The following COL17A1 variants were observed in gnomAD, a reference collection of about 807,000 sequenced individuals.
COL17A1 encodes the protein collagen type XVII alpha 1 chain.
Under a neutral mutation model 218.4 loss-of-function variants are expected in COL17A1, and 181 were observed. That is an observed-to-expected ratio of 0.83 (90% CI 0.73 to 0.94). The LOEUF (loss-of-function observed/expected upper bound fraction) is 0.94. Ranked by LOEUF, COL17A1 falls within the 40% of genes least tolerant of loss-of-function variation. The probability of loss-of-function intolerance (pLI) is 0.00; values close to 1 mark genes in which losing one functional copy is unlikely to be tolerated. For synonymous variants in COL17A1, 721 were observed against 731.0 expected, an observed-to-expected ratio of 0.99 and a Z score of 0.22; for missense variants, 1,924 against 1,945.9, an observed-to-expected ratio of 0.99 and a Z score of 0.21.
At chr10:104,065,206 G>T (rs1391952864) in intron 9 of COL17A1, among the ~76,000 whole-genome samples, 1 of 152,172 alleles carries the variant, frequency 6.6e-6, no homozygotes, top group Admixed American at 6.5e-5. Context: ...CTGCATATTT[G>T]TCTGTGAGAG....
intron 1 of COL17A1, among the ~76,000 whole-genome samples, chr10:104,083,058 A>T (rs1448560274): frequency 6.6e-6 from 1 of 152,198 alleles, no homozygotes; most frequent in Non-Finnish European, 1.5e-5. Context: ...GGTGCCAGGT[A>T]CGTGTTGGGA....
In COL17A1 at chr10:104,037,287, A is replaced by ATT. The variant is rs34553613; in HGVS notation, c.3209-176_3209-175dup. On this transcript the variant is annotated intron_variant, in intron 46 of 55. Transcript: ENST00000648076. Reference sequence around the variant, plus strand: ...AACAAAGTCAAATACTGTTGTTGGGATTTTTTTTTTTTTTGTAAGAAAGGA... The same window carrying ATT: ...AACAAAGTCAAATACTGTTGTTGGGATTTTTTTTTTTTTTTTGTAAGAAAGGA... Among the ~76,000 whole-genome samples the ATT allele has an allele frequency of 0.7, 102,882 of 147,848 alleles. 37,129 individuals carry two copies. The highest frequency in any genetic ancestry group is 0.82 in the East Asian group (4,124 of 5,058).
chr10:104,045,805 A>T lies in COL17A1; in HGVS notation c.2363-12T>A, dbSNP rs771531728. The T allele has an allele frequency of 5.0e-6, 8 of 1,610,278 alleles. No homozygotes were observed. The highest frequency in any genetic ancestry group is 1.7e-4 in the Middle Eastern group (1 of 6,040). On this transcript the variant is annotated splice_polypyrimidine_tract_variant and intron_variant, in intron 32 of 55. Transcript: ENST00000648076. Reference sequence around the variant, plus strand: ...GGTACCGGGAAGTCCTGATGTGATTAGAACAAGTAGTCAGGACGATGAAGG... The same window carrying T: ...GGTACCGGGAAGTCCTGATGTGATTTGAACAAGTAGTCAGGACGATGAAGG...
At chr10:104,057,234 T>C (rs1325958525) in intron 16 of COL17A1, 62 bp from the exon 17 acceptor site, 2 of 1,612,594 alleles carry the variant, frequency 1.2e-6, no homozygotes, top group African/African-American at 2.7e-5. Context: ...CCCTCCAGAT[T>C]CTCTGACTTT....
intron 1 of COL17A1, among the ~76,000 whole-genome samples, chr10:104,084,618 A>G (rs1297295447): frequency 1.3e-5 from 2 of 152,120 alleles, no homozygotes; most frequent in Non-Finnish European, 2.9e-5. Flanking sequence ...GTAAGTTTCT[A>G]TGCAAGCTTG....
intron 4 of COL17A1, 111 bp from the exon 5 acceptor site, chr10:104,076,540 G>A (rs1364974427): frequency 8.2e-6 from 12 of 1,469,096 alleles, no homozygotes; most frequent in South Asian, 4.6e-5. Flanking sequence ...GTCTTCGGGA[G>A]GGCACAGCTG....
intron 34 of COL17A1, 41 bp from the exon 35 acceptor site, chr10:104,043,622 C>A: frequency 6.2e-7 from 1 of 1,608,904 alleles, no homozygotes; most frequent in South Asian, 1.1e-5. Context: ...CCCTACTTTT[C>A]TCACTCAGAG....
Position 104,047,803 on chromosome 10 carries a change from T to C in COL17A1, c.2271A>G (p.Gln757=), listed in dbSNP as rs755316446. The C allele has an allele frequency of 6.3e-5, 102 of 1,613,956 alleles. No individual in the cohort carries two copies. The highest frequency in any genetic ancestry group is 8.3e-5 in the Non-Finnish European group (98 of 1,179,940). Residue 757 remains glutamine, a synonymous_variant, in exon 31 of 56, where the codon CAA becomes CAG. Transcript: ENST00000648076. ...PDGHQGPRGE[Q]GLTGMPGIRG... is the part of the protein sequence containing the mutation. ...GGATTCCAGGCATCCCAGTAAGACC[T>C]TGTTCACCTAGAGAGAGAATGGCCA...
chr10:104,035,206 G>GC (rs1564670417), intron 50 of COL17A1, 57 bp downstream of exon 50: 14 of 1,435,948 alleles, frequency 9.7e-6, no homozygotes, highest in Non-Finnish European at 3.9e-6. Context: ...GCCCATGGGA[G>GC]CCCCCAAGGC....
At chr10:104,050,520 C>T in intron 27 of COL17A1, 101 bp downstream of exon 27, 1 of 1,595,408 alleles carries the variant, frequency 6.3e-7, no homozygotes, top group Non-Finnish European at 8.6e-7. Flanking sequence ...AGATCTTGGT[C>T]CAGGTCCTGT....
intron 10 of COL17A1, 103 bp downstream of exon 10, chr10:104,064,335 A>G: frequency 6.3e-7 from 1 of 1,577,898 alleles, no homozygotes; most frequent in South Asian, 1.1e-5. Flanking sequence ...AAGCCTCTCC[A>G]GGAGGCCCTG....
rs149754696 is a variant in COL17A1, at chr10:104,032,227, T to C, written c.*8A>G. ...ACCTGGTCCAGGAGCTGTCCTGCCA[T>C]GGCTAGCTCACGGCTTGACAGCAAT... On this transcript the variant is annotated 3_prime_UTR_variant, in exon 56 of 56. Coordinates refer to ENST00000648076, the MANE Select transcript of COL17A1 (RefSeq NM_000494.4). 446 of 1,612,218 alleles carry C rather than the reference T, an allele frequency of 2.8e-4. 2 individuals carry two copies. In the African/African-American group the frequency reaches 5.4e-3, roughly 20 times the overall value.
chr10:104,085,351 C>A (rs2086797120), intron 1 of COL17A1, among the ~76,000 whole-genome samples: 1 of 152,072 alleles, frequency 6.6e-6, no homozygotes, highest in African/African-American at 2.4e-5. Flanking sequence ...AAGAGGAGAG[C>A]AAGATAGCGA....
chr10:104,078,874 G>A (rs1589579244), intron 2 of COL17A1, among the ~76,000 whole-genome samples: 1 of 152,286 alleles, frequency 6.6e-6, no homozygotes, highest in South Asian at 2.1e-4. Context: ...TCTCTCCTTG[G>A]ACAATTAGAT....
intron 39 of COL17A1, among the ~76,000 whole-genome samples, chr10:104,040,689 G>T (rs930756086): frequency 6.6e-6 from 1 of 152,116 alleles, no homozygotes; most frequent in South Asian, 2.1e-4. Flanking sequence ...AACAGGTTCT[G>T]GCCTAATGTT....
At chr10:104,078,423 G>T in intron 3 of COL17A1, 119 bp downstream of exon 3, 1 of 1,239,676 alleles carries the variant, frequency 8.1e-7, no homozygotes, top group Non-Finnish European at 1.2e-6. Flanking sequence ...AGAAATTAAT[G>T]TCAATATAGC....
chr10:104,041,397 C>T (rs2086358210), intron 37 of COL17A1, 53 bp from the exon 38 acceptor site: 3 of 1,600,558 alleles, frequency 1.9e-6, no homozygotes, highest in Non-Finnish European at 1.7e-6. Context: ...GCTGATGCCA[C>T]CCCTGAGGAT....
At chr10:104,074,374 G>T in intron 5 of COL17A1, 143 bp from the exon 6 acceptor site, 1 of 1,196,582 alleles carries the variant, frequency 8.4e-7, no homozygotes, top group Non-Finnish European at 1.2e-6. Flanking sequence ...TCTTCAGCAT[G>T]CATGTCAAAG....
chr10:104,081,448 T>C (rs779791908), intron 1 of COL17A1, among the ~76,000 whole-genome samples: 28 of 152,136 alleles, frequency 1.8e-4, no homozygotes, highest in Non-Finnish European at 3.5e-4. Flanking sequence ...TCAGCATGGA[T>C]GGTATGAGGC....
Sources: gnomAD v4.1 joint callset for allele counts (sites outside exome capture counted in the v4.1 genomes callset) on GRCh38, gnomAD v4.1.1 for gene constraint, MANE v1.5 for transcripts, NCBI Gene and HGNC (gene_info 2026-07-23, HGNC 2026-07-21) for gene names.